The following RBFOX1 variants were observed in gnomAD, a reference collection of about 807,000 sequenced individuals.
The protein encoded by RBFOX1 is RNA binding protein fox-1 homolog 1.
RBFOX1 carries 8 observed loss-of-function variants against 57.7 expected under a neutral mutation model. The ratio of observed to expected loss-of-function variants is 0.14; its 90% CI spans 0.08 to 0.25. The LOEUF (loss-of-function observed/expected upper bound fraction) is 0.25. RBFOX1 is among the 10% of genes least tolerant of loss of function. RBFOX1 has a pLI of 1.00. For synonymous variants in RBFOX1, 326 were observed against 222.4 expected (o/e 1.47, Z -4.15); for missense variants, 611 against 548.5 (o/e 1.11, Z -1.14).
intron 2 of RBFOX1, among the ~76,000 whole-genome samples, chr16:6,528,548 G>T (rs941150475): frequency 6.6e-6 from 1 of 152,176 alleles, no homozygotes; most frequent in African/African-American, 2.4e-5. Context: ...TCCTATATTT[G>T]GAACTGGTGG....
chr16:5,829,391 G>A (rs1315893776), intron 3 of RBFOX1, among the ~76,000 whole-genome samples: 1 of 152,198 alleles, frequency 6.6e-6, no homozygotes, highest in Non-Finnish European at 1.5e-5. Flanking sequence ...GGCACAGTGA[G>A]GGAGCAAGGG....
At chr16:5,347,378 G>A (rs1443739686) in intron 1 of RBFOX1, among the ~76,000 whole-genome samples, 1 of 152,072 alleles carries the variant, frequency 6.6e-6, no homozygotes, top group Non-Finnish European at 1.5e-5. Context: ...ATCATACTTT[G>A]TTCTTCTGTG....
At chr16:5,572,848 A>G (rs1386180200) in intron 2 of RBFOX1, among the ~76,000 whole-genome samples, 2 of 152,196 alleles carry the variant, frequency 1.3e-5, no homozygotes, top group Non-Finnish European at 1.5e-5. Context: ...TAGGAATAGA[A>G]TGAGCAAAGG....
At chr16:6,365,825 G>T (rs1157720422) in intron 2 of RBFOX1, among the ~76,000 whole-genome samples, 1 of 152,172 alleles carries the variant, frequency 6.6e-6, no homozygotes, top group Non-Finnish European at 1.5e-5. Context: ...TTGCTGGATT[G>T]TTGAGAGAAT....
At chr16:6,503,025 G>A (rs539530427) in intron 2 of RBFOX1, among the ~76,000 whole-genome samples, 1 of 152,092 alleles carries the variant, frequency 6.6e-6, no homozygotes, top group East Asian at 1.9e-4. Flanking sequence ...GGAAAAGGAT[G>A]GTAAAAAGTA....
At chr16:6,467,246 C>T (rs1367457355) in intron 2 of RBFOX1, among the ~76,000 whole-genome samples, 3 of 151,238 alleles carry the variant, frequency 2.0e-5, no homozygotes, top group Non-Finnish European at 4.4e-5. Flanking sequence ...ATATTAATTA[C>T]AGTTAATGTA....
At chr16:5,317,171 C>T (rs1284015028) in intron 1 of RBFOX1, among the ~76,000 whole-genome samples, 2 of 152,066 alleles carry the variant, frequency 1.3e-5, no homozygotes, top group African/African-American at 4.8e-5. Flanking sequence ...AATGAGTGAA[C>T]CAATTCCCTT....
chr16:7,250,491 G>A lies in RBFOX1; in HGVS notation c.27+198393G>A, dbSNP rs2094464450. Among the ~76,000 whole-genome samples the A allele has an allele frequency of 2.6e-5, 4 of 152,184 alleles. No individual in the cohort carries two copies. In the South Asian group the frequency reaches 8.3e-4, roughly 31 times the overall value. On this transcript the variant is annotated intron_variant, in intron 4 of 15. Transcript: ENST00000550418. Reference sequence around the variant, plus strand: ...CATCGCCTCAGCTGCAGCCTCAGCTGCTGTGATTACACTTACCTTGTCTCT... The same window carrying A: ...CATCGCCTCAGCTGCAGCCTCAGCTACTGTGATTACACTTACCTTGTCTCT...
intron 3 of RBFOX1, among the ~76,000 whole-genome samples, chr16:5,762,375 G>A (rs74006260): frequency 0.032 from 4,743 of 148,732 alleles, 255 homozygotes; most frequent in African/African-American, 0.11. Context: ...AAAAAACGAA[G>A]AAAGAAAACT....
At chr16:6,904,611 AAAAAAAAAAAAAAAAAAGAAG>A (rs2069329725) in intron 3 of RBFOX1, among the ~76,000 whole-genome samples, 1 of 150,074 alleles carries the variant, frequency 6.7e-6, no homozygotes, top group African/African-American at 2.4e-5. Context: ...AAAAAAAAAA[AAAAAAAAAAAAAAAAAAGAAG>A]AAGAAGAAAG....
rs1184814411 is a variant in RBFOX1 at position 6,195,056 on chromosome 16, A to G, written c.-126-121939A>G. Among the ~76,000 whole-genome samples, 4 of 152,196 alleles carry G rather than the reference A, an allele frequency of 2.6e-5. No homozygotes were observed. In the East Asian group the frequency reaches 7.7e-4, roughly 29 times the overall value. ...TTTTCCTTGCCCCCAAATCTTTCAGATACGGAATCAGAGAAACATAAGATG... is the reference window on the plus strand; with the variant it reads ...TTTTCCTTGCCCCCAAATCTTTCAGGTACGGAATCAGAGAAACATAAGATG... On this transcript the variant is annotated intron_variant, in intron 1 of 15. Coordinates refer to ENST00000550418, the MANE Select transcript of RBFOX1 (RefSeq NM_018723.4).
At chr16:6,548,047 C>T (rs2096920245) in intron 2 of RBFOX1, among the ~76,000 whole-genome samples, 1 of 152,114 alleles carries the variant, frequency 6.6e-6, no homozygotes, top group Admixed American at 6.6e-5. Flanking sequence ...GACTATTCAT[C>T]GTAGTAAGAA....
intron 3 of RBFOX1, among the ~76,000 whole-genome samples, chr16:6,898,413 G>C (rs555352497): frequency 2.0e-5 from 3 of 152,150 alleles, no homozygotes; most frequent in Non-Finnish European, 4.4e-5. Flanking sequence ...TGACATTTCA[G>C]CTTGTTATGT....
At chr16:7,391,181 G>A (rs560523282) in intron 4 of RBFOX1, among the ~76,000 whole-genome samples, 10 of 152,266 alleles carry the variant, frequency 6.6e-5, no homozygotes, top group East Asian at 1.9e-4. Context: ...CCCCCTGCAC[G>A]TGACTGGCCC....
intron 4 of RBFOX1, among the ~76,000 whole-genome samples, chr16:7,389,104 T>C (rs186301765): frequency 3.3e-5 from 5 of 152,174 alleles, no homozygotes; most frequent in Admixed American, 2.6e-4. Context: ...TACAAGTTGG[T>C]CTATTTCTTT....
intron 1 of RBFOX1, among the ~76,000 whole-genome samples, chr16:6,176,790 G>A (rs761182161): frequency 6.6e-6 from 1 of 151,814 alleles, no homozygotes; most frequent in East Asian, 1.9e-4. Flanking sequence ...GTGGAGAATT[G>A]TGTTAAATGT....
intron 3 of RBFOX1, among the ~76,000 whole-genome samples, chr16:6,956,921 A>C (rs115787337): frequency 0.012 from 1,831 of 152,166 alleles, 34 homozygotes; most frequent in African/African-American, 0.042. Flanking sequence ...GAAGGGGTCC[A>C]GATCCAGACC....
intron 2 of RBFOX1, among the ~76,000 whole-genome samples, chr16:6,385,082 C>G (rs1474583629): frequency 1.3e-5 from 2 of 152,196 alleles, no homozygotes; most frequent in African/African-American, 2.4e-5. Flanking sequence ...TTTTCAAACT[C>G]TCAGACTCTC....
At chr16:5,566,977 G>T (rs1385149696) in intron 2 of RBFOX1, among the ~76,000 whole-genome samples, 1 of 152,154 alleles carries the variant, frequency 6.6e-6, no homozygotes, top group African/African-American at 2.4e-5. Flanking sequence ...TTCACCGGCT[G>T]GGAGTCCAAA....
Sources: allele counts gnomAD v4.1 joint callset (sites outside exome capture counted in the v4.1 genomes callset), GRCh38; gene constraint gnomAD v4.1.1; transcripts MANE v1.5; gene names NCBI Gene and HGNC (gene_info 2026-07-23, HGNC 2026-07-21).